The following ARMC1 variants were observed in gnomAD, a reference collection of about 807,000 sequenced individuals.
The protein encoded by ARMC1 is armadillo repeat containing 1, also known as armadillo repeat-containing protein 1.
ARMC1 carries 16 observed loss-of-function variants against 31.4 expected under a neutral mutation model. The observed-to-expected ratio is 0.51, with a 90% CI of 0.34 to 0.77. The LOEUF (loss-of-function observed/expected upper bound fraction) is 0.77. Among genes scored for constraint, ARMC1 ranks in the 30% least tolerant of loss-of-function variants. The pLI is 0.01. For missense variants in ARMC1, 259 were observed against 347.5 expected, an observed-to-expected ratio of 0.75 and a Z score of 2.02; for synonymous variants, 114 against 118.9, an observed-to-expected ratio of 0.96 and a Z score of 0.27.
chr8:65,615,646 G>T (rs539151435), intron 3 of ARMC1, among the ~76,000 whole-genome samples: 49 of 152,250 alleles, frequency 3.2e-4, no homozygotes, highest in African/African-American at 1.2e-3. Context: ...GATGGAGGTT[G>T]CAGCGAGCCA....
Position 65,602,727 on chromosome 8 carries a change from AGG to A in ARMC1, c.*1665_*1666del, listed in dbSNP as rs1351421047. 6 of 152,284 alleles carry A rather than the reference AGG, an allele frequency of 3.9e-5. No individual in the cohort carries two copies. The highest frequency in any genetic ancestry group is 1.2e-4 in the African/African-American group (5 of 41,576). 9.4% of individuals were successfully genotyped at this position (152,284 alleles called of 1,614,324 possible). On this transcript the variant is annotated 3_prime_UTR_variant, in exon 7 of 7. Transcript: ENST00000276569. ...GTTTGCTTTAATGGCTATAGAAAGA[AGG>A]TGGTTTTATTTTCTTTTTTAAACAC...
At chr8:65,609,926 A>T (rs1168589188) in intron 4 of ARMC1, among the ~76,000 whole-genome samples, 1 of 151,314 alleles carries the variant, frequency 6.6e-6, no homozygotes, top group Non-Finnish European at 1.5e-5. Flanking sequence ...CCTACCTGGC[A>T]TTGCTAAAGA....
intron 4 of ARMC1, among the ~76,000 whole-genome samples, chr8:65,605,849 A>G (rs1417476200): frequency 2.0e-5 from 3 of 152,214 alleles, no homozygotes. Flanking sequence ...CACAGGGGGA[A>G]AAAATACCAA....
intron 4 of ARMC1, among the ~76,000 whole-genome samples, chr8:65,612,057 A>C (rs1808154174): frequency 6.6e-6 from 1 of 152,158 alleles, no homozygotes; most frequent in South Asian, 2.1e-4. Flanking sequence ...GGTGTGAGCC[A>C]CCGTGCCCGG....
intron 6 of ARMC1, among the ~76,000 whole-genome samples, chr8:65,604,801 A>C (rs1807966798): frequency 6.6e-6 from 1 of 152,314 alleles, no homozygotes; most frequent in Non-Finnish European, 1.5e-5. Flanking sequence ...CTCTCTGTGT[A>C]ATAATGACTA....
rs140558416 is a variant in ARMC1 at position 65,620,758 on chromosome 8, C to T, written c.275+1505G>A. Among the ~76,000 whole-genome samples the T allele has an allele frequency of 2.0e-5, 3 of 147,352 alleles. No homozygotes were observed. In the East Asian group the frequency reaches 5.9e-4, roughly 29 times the overall value. Reference sequence around the variant, plus strand: ...CTCTGACTAATCACTTCTCTAGCATCCTTTCTGAACTGAGGTCCTGTAAAA... The same window carrying T: ...CTCTGACTAATCACTTCTCTAGCATTCTTTCTGAACTGAGGTCCTGTAAAA... On this transcript the variant is annotated intron_variant, in intron 3 of 6. Coordinates refer to ENST00000276569, the MANE Select transcript of ARMC1 (RefSeq NM_018120.6).
At chr8:65,607,579 CA>C (rs1382551724) in intron 4 of ARMC1, among the ~76,000 whole-genome samples, 1 of 152,102 alleles carries the variant, frequency 6.6e-6, no homozygotes, top group East Asian at 1.9e-4. Flanking sequence ...TCCAAGAGAG[CA>C]AAAAGTTTTG....
chr8:65,627,672 A>C (rs4737749), intron 1 of ARMC1, among the ~76,000 whole-genome samples: 93,301 of 149,504 alleles, frequency 0.62, 28,861 homozygotes, highest in African/African-American at 0.68. Context: ...CCAATAAATT[A>C]TGTTTTAGCA....
intron 3 of ARMC1, among the ~76,000 whole-genome samples, chr8:65,617,332 G>C (rs1269119557): frequency 6.6e-6 from 1 of 152,182 alleles, no homozygotes; most frequent in African/African-American, 2.4e-5. Flanking sequence ...CCAACCTGGT[G>C]CTCTCTGAAA....
intron 1 of ARMC1, among the ~76,000 whole-genome samples, chr8:65,630,460 T>A (rs1310235013): frequency 6.6e-6 from 1 of 152,154 alleles, no homozygotes; most frequent in Non-Finnish European, 1.5e-5. Flanking sequence ...GTAGGAACTA[T>A]ACTGAAAAAA....
intron 1 of ARMC1, among the ~76,000 whole-genome samples, chr8:65,633,503 G>A (rs1347907334): frequency 5.9e-5 from 9 of 152,176 alleles, no homozygotes; most frequent in Non-Finnish European, 1.2e-4. Context: ...GGTGTTGGAG[G>A]TACCTTCTGC....
chr8:65,612,060 G>A (rs1476192715), intron 4 of ARMC1, among the ~76,000 whole-genome samples: 11 of 151,974 alleles, frequency 7.2e-5, no homozygotes, highest in South Asian at 2.1e-4. Context: ...GTGAGCCACC[G>A]TGCCCGGCCT....
chr8:65,609,133 CTTTT>C (rs63319761), intron 4 of ARMC1, among the ~76,000 whole-genome samples: 24 of 107,620 alleles, frequency 2.2e-4, no homozygotes, highest in African/African-American at 5.8e-4. Flanking sequence ...GGTTTCTGCT[CTTTT>C]TTTTTTTTTT....
In ARMC1 at chr8:65,605,532, T is replaced by C; in HGVS notation, c.472A>G (p.Arg158Gly). 1 of 1,607,868 alleles carries C rather than the reference T, an allele frequency of 6.2e-7. No homozygotes were observed. Among genetic ancestry groups the C allele is most frequent in the Non-Finnish European group, 8.5e-7 (1 of 1,174,532 alleles). The change falls in exon 5 of 7, where the codon AGA becomes GGA. Residue 158 changes from arginine (R) to glycine (G), a missense_variant. Physicochemically the swap from Arg to Gly is moderately radical, Grantham distance 125 (BLOSUM62 -2). Coordinates refer to ENST00000276569, the MANE Select transcript of ARMC1 (RefSeq NM_018120.6). The part of the protein sequence containing the change: ...HIDGLDDTSR[R>G]NLCEEALLKI... ...AACAAAGCCTCTTCACATAGATTTC[T>C]CCGAGACTGAAAAAGTAAAAGCAAA...
Position 65,627,416 on chromosome 8 carries a change from T to C in ARMC1, c.-18A>G. 6.5e-7 allele frequency: 1 copy of C among 1,533,544 alleles called. No homozygotes were observed. The highest frequency in any genetic ancestry group is 8.8e-7 in the Non-Finnish European group (1 of 1,138,060). The allele number at this position is 1,533,544 out of a possible 1,614,324, so 95.0% of individuals were successfully genotyped here. The stretch of plus-strand genomic sequence containing the variant: ...GAATTCATCTTCTATGCCATGCACA[T>C]GAATAAAATCTTAAATTCTGTAGAA... On this transcript the variant is annotated 5_prime_UTR_variant, in exon 2 of 7. An upstream start codon of the reference 5' UTR is lost. Coordinates refer to ENST00000276569, the MANE Select transcript of ARMC1 (RefSeq NM_018120.6).
rs770227460 is a variant in ARMC1 at position 65,604,352 on chromosome 8, G to A, written c.*42C>T. 4 of 1,557,078 alleles carry A rather than the reference G, an allele frequency of 2.6e-6. No individual in the cohort carries two copies. The highest frequency in any genetic ancestry group is 8.7e-7 in the Non-Finnish European group (1 of 1,143,476). ...AGTTCACCACAACAATGGAAAACTG[G>A]CCCCTTGTTGGTTCACACAGTCCTT... On this transcript the variant is annotated 3_prime_UTR_variant, in exon 7 of 7. Coordinates refer to ENST00000276569, the MANE Select transcript of ARMC1 (RefSeq NM_018120.6).
chr8:65,614,899 T>C (rs796316054), intron 3 of ARMC1, among the ~76,000 whole-genome samples: 6 of 152,336 alleles, frequency 3.9e-5, no homozygotes, highest in African/African-American at 1.4e-4. Context: ...ATTCTCCCTT[T>C]GCATTCAGAG....
intron 3 of ARMC1, 92 bp downstream of exon 3, chr8:65,622,171 C>A (rs764073144): frequency 9.5e-5 from 94 of 991,594 alleles, no homozygotes; most frequent in Non-Finnish European, 1.4e-4. Context: ...GGAAGGATCG[C>A]TTGAACCCAG....
intron 1 of ARMC1, chr8:65,633,728 T>C (rs1043052240): frequency 6.6e-6 from 1 of 152,106 alleles, no homozygotes; most frequent in Admixed American, 6.6e-5. Flanking sequence ...CCTGGAGAGA[T>C]GAAAAGATGA....
Sources: allele counts gnomAD v4.1 joint callset (sites outside exome capture counted in the v4.1 genomes callset), GRCh38; gene constraint gnomAD v4.1.1; transcripts MANE v1.5; gene names NCBI Gene and HGNC (gene_info 2026-07-23, HGNC 2026-07-21).